ZNF547: variants seen among roughly 807,000 people sequenced by gnomAD.
ZNF547 encodes the protein zinc finger protein 547.
ZNF547 carries 4 observed loss-of-function variants against 7.7 expected under a neutral mutation model. The ratio of observed to expected loss-of-function variants is 0.52; its 90% CI spans 0.26 to 1.20. ZNF547 has a LOEUF of 1.20. Among genes scored for constraint, ZNF547 ranks in the 50% most tolerant of loss-of-function variants. The probability of loss-of-function intolerance (pLI) is 0.14; values close to 1 mark genes in which losing one functional copy is unlikely to be tolerated. For missense variants in ZNF547, 449 were observed against 485.8 expected (o/e 0.92, Z 0.71); for synonymous variants, 166 against 166.2 (o/e 1.00, Z 0.01).
At position 57,377,217 on chromosome 19, in the gene ZNF547, C is replaced by A; in HGVS notation, c.241C>A (p.Leu81Ile). Residue 81 changes from leucine to isoleucine, a missense_variant, in exon 4 of 4, where the codon CTA becomes ATA. Leu to Ile is a conservative substitution (Grantham distance 5, BLOSUM62 2). Transcript: ENST00000282282. ...VSQVMAPKPC[L>I]STQNTQPCET... Reference sequence around the variant, plus strand: ...ACAGGTCATGGCTCCAAAGCCCTGTCTATCTACCCAGAATACCCAGCCCTG... The same window carrying A: ...ACAGGTCATGGCTCCAAAGCCCTGTATATCTACCCAGAATACCCAGCCCTG... The A allele has an allele frequency of 1.9e-6, 3 of 1,614,212 alleles. No individual in the cohort carries two copies. The highest frequency in any genetic ancestry group is 2.5e-6 in the Non-Finnish European group (3 of 1,180,030).
chr19:57,375,661 C>CAA (rs67290425), intron 3 of ZNF547, among the ~76,000 whole-genome samples: 9 of 91,488 alleles, frequency 9.8e-5, no homozygotes, highest in African/African-American at 2.3e-4. Context: ...GAGTTTGTCT[C>CAA]AAAAAAAAAA....
chr19:57,365,906 AG>A (rs560431597), intron 1 of ZNF547, among the ~76,000 whole-genome samples: 1,814 of 143,698 alleles, frequency 0.013, 20 homozygotes, highest in Non-Finnish European at 0.021. Context: ...CCTGTTGTGC[AG>A]GGGCTGGAGT....
At chr19:57,369,194 T>G (rs1301030271) in intron 2 of ZNF547, among the ~76,000 whole-genome samples, 2 of 152,054 alleles carry the variant, frequency 1.3e-5, no homozygotes, top group African/African-American at 4.8e-5. Context: ...TAGGTGGATG[T>G]TGGTGGTGAC....
chr19:57,366,564 T>TTTTTTTTTTTTTTTTTTTC (rs2088471822), intron 1 of ZNF547, among the ~76,000 whole-genome samples: 1 of 148,394 alleles, frequency 6.7e-6, no homozygotes. Context: ...TTTTTTTTTT[T>TTTTTTTTTTTTTTTTTTTC]TTTGACGTGG....
At chr19:57,368,671 T>A in intron 2 of ZNF547, 92 bp downstream of exon 2, 1 of 1,174,478 alleles carries the variant, frequency 8.5e-7, no homozygotes, top group African/African-American at 1.5e-5. Context: ...CCAGAGACTC[T>A]CTTTCTGTCT....
chr19:57,370,265 G>A (rs1359339941), intron 2 of ZNF547, among the ~76,000 whole-genome samples: 1 of 152,168 alleles, frequency 6.6e-6, no homozygotes, highest in African/African-American at 2.4e-5. Context: ...CCATGAGGCA[G>A]GACACAGCTG....
At chr19:57,368,676 C>T (rs188485018) in intron 2 of ZNF547, 97 bp downstream of exon 2, 1 of 1,164,652 alleles carries the variant, frequency 8.6e-7, no homozygotes, top group Non-Finnish European at 1.3e-6. Flanking sequence ...GACTCTCTTT[C>T]TGTCTTTCTC....
rs570819600 is a variant in ZNF547 at position 57,364,800 on chromosome 19, G to A, written c.-13+1097G>A. 2.1e-3 allele frequency: 3,321 copies of A among 1,544,874 alleles called. 6 individuals are homozygous for A. The highest frequency in any genetic ancestry group is 2.6e-3 in the Non-Finnish European group (2,984 of 1,129,950). On this transcript the variant is annotated intron_variant, in intron 1 of 3. Coordinates refer to ENST00000282282, the MANE Select transcript of ZNF547 (RefSeq NM_173631.4). The stretch of plus-strand genomic sequence containing the variant: ...AAACTGACATTGCGTTTCCGTTGTC[G>A]GCCTCCCGCTGCAGGAGCCATATAT...
At chr19:57,366,831 T>C (rs554188534) in intron 1 of ZNF547, among the ~76,000 whole-genome samples, 1 of 152,348 alleles carries the variant, frequency 6.6e-6, no homozygotes, top group East Asian at 1.9e-4. Context: ...ACGTGGACGT[T>C]ATGCATTTAG....
At chr19:57,372,304 G>A (rs2088509726) in intron 3 of ZNF547, among the ~76,000 whole-genome samples, 1 of 152,178 alleles carries the variant, frequency 6.6e-6, no homozygotes, top group African/African-American at 2.4e-5. Flanking sequence ...CCACTGGCTT[G>A]ATTGTGTAGG....
rs142380173 is a variant in ZNF547 at position 57,375,075 on chromosome 19, G to T, written c.152-2053G>T. On this transcript the variant is annotated intron_variant, in intron 3 of 3. Transcript: ENST00000282282. ...TGCTATTAAGAAATACCCTGGCTGG[G>T]CACAGTGGCTCACTCCTGTAATCCC... Among the ~76,000 whole-genome samples the T allele has an allele frequency of 6.1e-3, 932 of 152,248 alleles. 7 individuals are homozygous for T. Among genetic ancestry groups the T allele is most frequent in the South Asian group, 0.035 (169 of 4,824 alleles).
chr19:57,365,255 G>C, intron 1 of ZNF547: 1 of 1,555,702 alleles, frequency 6.4e-7, no homozygotes, highest in Non-Finnish European at 8.7e-7. Context: ...CTTTTAAGCT[G>C]AATGGAGAAA....
chr19:57,378,507 T>TC lies in ZNF547; in HGVS notation c.*322_*323insC, dbSNP rs2088554204. On this transcript the variant is annotated 3_prime_UTR_variant, in exon 4 of 4. Transcript: ENST00000282282. Reference sequence around the variant, plus strand: ...TTATTGGGCTTCAGAATATCCACACTAGTGAAAGTCTTCTGAGTACAGCAA... The same window carrying TC: ...TTATTGGGCTTCAGAATATCCACACTCAGTGAAAGTCTTCTGAGTACAGCAA... The TC allele has an allele frequency of 6.2e-6, 3 of 485,086 alleles. No homozygotes were observed. In the Admixed American group the frequency reaches 7.9e-5, roughly 13 times the overall value. 30.0% of individuals were successfully genotyped at this position (485,086 alleles called of 1,614,324 possible).
At chr19:57,365,447 G>T (rs925165648) in intron 1 of ZNF547, 7 of 533,836 alleles carry the variant, frequency 1.3e-5, no homozygotes, top group African/African-American at 1.1e-4. Flanking sequence ...AGATCAATTA[G>T]TATTTCCTTG....
intron 2 of ZNF547, 24 bp from the exon 3 acceptor site, chr19:57,371,758 T>C: frequency 6.2e-7 from 1 of 1,600,436 alleles, no homozygotes; most frequent in South Asian, 1.1e-5. Context: ...GCTGCTCATG[T>C]ATTCATCTTT....
intron 1 of ZNF547, chr19:57,364,603 T>G: frequency 1.7e-6 from 1 of 577,754 alleles, no homozygotes; most frequent in Non-Finnish European, 3.1e-6. Flanking sequence ...TAGCCGGGGG[T>G]GGTGACGCGC....
chr19:57,377,507 C>G lies in ZNF547; in HGVS notation c.531C>G (p.Ile177Met). ...ATAAACTTTCTGACCATCAGAAAATCCACACTGGAGAAAGAACTTATAAGT... is the reference window on the plus strand; with the variant it reads ...ATAAACTTTCTGACCATCAGAAAATGCACACTGGAGAAAGAACTTATAAGT... The part of the protein sequence containing the change: ...HKHKLSDHQK[I>M]HTGERTYKCS... The change falls in exon 4 of 4, where the codon ATC (isoleucine) becomes ATG (methionine). Residue 177 changes from isoleucine (I) to methionine (M), a missense_variant. Transcript: ENST00000282282. The G allele has an allele frequency of 6.2e-7, 1 of 1,613,948 alleles. No individual in the cohort carries two copies.
chr19:57,368,264 A>G lies in ZNF547; in HGVS notation c.-12-280A>G, dbSNP rs879322102. ...CCAAGAACAGTAATAGCTGATATAT[A>G]TGATGAGCAACGAGTGTTTGACACC... On this transcript the variant is annotated intron_variant, in intron 1 of 3. Transcript: ENST00000282282. 13 of 386,156 alleles carry G rather than the reference A, an allele frequency of 3.4e-5. No individual in the cohort carries two copies. In the South Asian group the frequency reaches 6.5e-4, roughly 19 times the overall value. The allele number at this position is 386,156 out of a possible 1,614,324, so 23.9% of individuals were successfully genotyped here.
chr19:57,368,361 GT>G (rs2088483767), intron 1 of ZNF547, 182 bp from the exon 2 acceptor site: 2 of 594,310 alleles, frequency 3.4e-6, no homozygotes, highest in African/African-American at 3.7e-5. Context: ...GCTCCAGCAG[GT>G]TCAGTTCTTT....
Sources: allele counts gnomAD v4.1 joint callset (sites outside exome capture counted in the v4.1 genomes callset), GRCh38; gene constraint gnomAD v4.1.1; transcripts MANE v1.5; gene names NCBI Gene and HGNC (gene_info 2026-07-23, HGNC 2026-07-21).